Variants in CSPG5 observed in about 807,000 individuals in gnomAD.
The protein encoded by CSPG5 is acidic leucine-rich EGF-like domain-containing brain protein.
CSPG5 carries 25 observed loss-of-function variants against 39.8 expected under a neutral mutation model. The observed-to-expected ratio is 0.63, with a 90% confidence interval of 0.46 to 0.88. The LOEUF (loss-of-function observed/expected upper bound fraction) is 0.88. Among genes scored for constraint, CSPG5 ranks in the 40% least tolerant of loss-of-function variants. The pLI is 0.00. For synonymous variants in CSPG5, 295 were observed against 303.9 expected (o/e 0.97, Z 0.31); for missense variants, 627 against 702.2 (o/e 0.89, Z 1.21).
intron 4 of CSPG5, 90 bp from the exon 5 acceptor site, chr3:47,562,851 A>G: frequency 7.5e-7 from 1 of 1,325,426 alleles, no homozygotes; most frequent in Non-Finnish European, 1.0e-6. Flanking sequence ...TGAAGGAAGC[A>G]TCACTGAAAC....
rs1307126971 is a variant in CSPG5 at position 47,577,893 on chromosome 3, G to A, written c.133C>T (p.Leu45=). The A allele has an allele frequency of 6.7e-7, 1 of 1,498,214 alleles. No homozygotes were observed. Among genetic ancestry groups the A allele is most frequent in the Non-Finnish European group, 8.8e-7 (1 of 1,136,668 alleles). The allele number at this position is 1,498,214 out of a possible 1,614,324, so 92.8% of individuals were successfully genotyped here. A position where few individuals can be genotyped will look rare whatever the true frequency, so the allele number is the denominator to read the frequency against. Residue 45 remains leucine, a synonymous_variant, in exon 2 of 5, where the codon CTG becomes TTG. Coordinates refer to ENST00000264723, the MANE Select transcript of CSPG5 (RefSeq NM_006574.4). The surrounding 1 kb of genome is among the most constrained non-coding windows in gnomAD (Gnocchi z 4.7). ...EAGSAVEAEE[L]VKGSPAWEPP... ...TCCCACGCCGGGCTGCCCTTCACCA[G>A]CTCTTCGGCCTCAACCGCGCTGCCC...
chr3:47,580,037 G>A (rs2031929168), upstream of CSPG5: 1 of 152,216 alleles, frequency 6.6e-6, no homozygotes, highest in Non-Finnish European at 1.5e-5. Flanking sequence ...TCCAGATGGA[G>A]TTGCCTTGGT....
Position 47,577,140 on chromosome 3 carries a change from C to A in CSPG5, c.886G>T (p.Asp296Tyr). The change falls in exon 2 of 5, where the codon GAT (aspartate) becomes TAT (tyrosine). Residue 296 changes from aspartate (D) to tyrosine (Y), a missense_variant. Coordinates refer to ENST00000264723, the MANE Select transcript of CSPG5 (RefSeq NM_006574.4). This position sits in a 1 kb window ranked among gnomAD's most constrained non-coding sequence, Gnocchi z 4.7. The stretch of plus-strand genomic sequence containing the variant: ...GTGGGCACTAGAAGCTCATTTTCAT[C>A]TTCTAGGTCTCCACCTCCTACTGCA... ...KDAVGGGDLE[D>Y]ENELLVPTGK... 6.2e-7 allele frequency: 1 copy of A among 1,613,868 alleles called. No individual in the cohort carries two copies. The highest frequency in any genetic ancestry group is 1.1e-5 in the South Asian group (1 of 91,024).
At chr3:47,574,738 A>G (rs544812139) in intron 2 of CSPG5, among the ~76,000 whole-genome samples, 48 of 151,930 alleles carry the variant, frequency 3.2e-4, no homozygotes, top group Middle Eastern at 3.4e-3. Context: ...AGGAGATTGA[A>G]ACCATCCTGG....
At position 47,577,451 on chromosome 3, in the gene CSPG5, G is replaced by A. The variant is rs1196984500; in HGVS notation, c.575C>T (p.Thr192Ile). The change falls in exon 2 of 5, where the codon ACT becomes ATT. Residue 192 changes from threonine (T) to isoleucine (I), a missense_variant. Coordinates refer to ENST00000264723, the MANE Select transcript of CSPG5 (RefSeq NM_006574.4). The surrounding 1 kb of genome is among the most constrained non-coding windows in gnomAD (Gnocchi z 4.7). ...CTCCAGGGTGCCCTGAAATGGGTAA[G>A]TCAGCTCTGGCCCTTGAGGGTCGGG... ...STPDPQGPEL[T>I]YPFQGTLEPQ... is the part of the protein sequence containing the mutation. 2 of 1,614,078 alleles carry A rather than the reference G, an allele frequency of 1.2e-6. No homozygotes were observed. The highest frequency in any genetic ancestry group is 2.2e-5 in the South Asian group (2 of 91,088).
intron 2 of CSPG5, among the ~76,000 whole-genome samples, chr3:47,575,929 CTTTTTTTTTTTTTT>C (rs370578310): frequency 9.3e-4 from 93 of 99,654 alleles, no homozygotes; most frequent in African/African-American, 3.0e-3. Flanking sequence ...TTCATTTTGC[CTTTTTTTTTTTTTT>C]TTTTTTTTTT....
At position 47,577,561 on chromosome 3, in the gene CSPG5, G is replaced by A. The variant is rs1328651363; in HGVS notation, c.465C>T (p.Pro155=). 2.5e-6 allele frequency: 4 copies of A among 1,610,320 alleles called. No individual in the cohort carries two copies. The African/African-American group carries it at 5.3e-5, about 22-fold the overall frequency. The stretch of plus-strand genomic sequence containing the variant: ...CTGGGCTCAGCTTGTCGCCGGGGGT[G>A]GGGGAGGGTGGCCCGCTGGCCTCTG... The part of the protein sequence containing the change: ...EATEASGPPS[P]TPGDKLSPAS... The change falls in exon 2 of 5, where the codon CCC becomes CCT. Residue 155 remains proline (P), a synonymous_variant. Coordinates refer to ENST00000264723, the MANE Select transcript of CSPG5 (RefSeq NM_006574.4). The surrounding 1 kb of genome is among the most constrained non-coding windows in gnomAD (Gnocchi z 4.7).
In CSPG5 at chr3:47,577,921, C is replaced by G. The variant is rs1001509092; in HGVS notation, c.105G>C (p.Glu35Asp). The G allele has an allele frequency of 7.0e-7, 1 of 1,437,286 alleles. No homozygotes were observed. The highest frequency in any genetic ancestry group is 3.0e-5 in the Admixed American group (1 of 33,802). 89.0% of individuals were successfully genotyped at this position (1,437,286 alleles called of 1,614,324 possible). ...CTTCGGCCTCAACCGCGCTGCCCGC[C>G]TCACGCGCTGCGGGCGGGAGGGCAA... The part of the protein sequence containing the change: ...VLASGAVPAR[E>D]AGSAVEAEEL... Residue 35 changes from glutamate (E) to aspartate (D), a missense_variant, in exon 2 of 5, where the codon GAG becomes GAC. Transcript: ENST00000264723. The surrounding 1 kb of genome is among the most constrained non-coding windows in gnomAD (Gnocchi z 4.7).
chr3:47,562,295 AC>A lies in CSPG5; in HGVS notation c.*304del, dbSNP rs1439009058. ...TGTTTTTTACTGGTATTTCAAAAAA[AC>A]GTGGGTCAAAGTACAAAAAAAAGTC... On this transcript the variant is annotated 3_prime_UTR_variant, in exon 5 of 5. Coordinates refer to ENST00000264723, the MANE Select transcript of CSPG5 (RefSeq NM_006574.4). The A allele has an allele frequency of 1.7e-5, 4 of 235,708 alleles. No homozygotes were observed. The highest frequency in any genetic ancestry group is 5.6e-5 in the Admixed American group (1 of 17,956). The allele number at this position is 235,708 out of a possible 1,614,324, so 14.6% of individuals were successfully genotyped here.
intron 2 of CSPG5, among the ~76,000 whole-genome samples, chr3:47,575,593 G>A (rs2031688277): frequency 6.6e-6 from 1 of 152,200 alleles, no homozygotes; most frequent in Non-Finnish European, 1.5e-5. Context: ...AAACATCAAA[G>A]TAGAAAGAAA....
chr3:47,572,686 T>C lies in CSPG5; in HGVS notation c.1382A>G (p.Asn461Ser). ...KTENTKLRRT[N>S]KFRTPSELHN... ...GGATGGGTGAGTGACACAGACTCAC[T>C]TGGTCCTACGCAGCTTGGTATTCTC... Residue 461 changes from asparagine (N) to serine (S), a missense_variant and splice_region_variant, in exon 3 of 5, where the codon AAC (asparagine) becomes AGC (serine). Physicochemically the swap from Asn to Ser is conservative, Grantham distance 46. Transcript: ENST00000264723. The surrounding 1 kb of genome is among the most constrained non-coding windows in gnomAD (Gnocchi z 4.5). The C allele has an allele frequency of 6.2e-7, 1 of 1,612,892 alleles. No individual in the cohort carries two copies. Among genetic ancestry groups the C allele is most frequent in the Non-Finnish European group, 8.5e-7 (1 of 1,179,074 alleles).
intron 4 of CSPG5, among the ~76,000 whole-genome samples, chr3:47,566,518 A>G (rs1158500601): frequency 6.6e-6 from 1 of 152,200 alleles, no homozygotes; most frequent in Non-Finnish European, 1.5e-5. Context: ...GGTGGAGAGA[A>G]TTAGAGATGA....
chr3:47,564,087 C>T (rs2108185946), intron 4 of CSPG5, among the ~76,000 whole-genome samples: 1 of 152,308 alleles, frequency 6.6e-6, no homozygotes, highest in South Asian at 2.1e-4. Flanking sequence ...TGTGTAACCA[C>T]TAAGGCAGAT....
At chr3:47,567,368 C>A (rs1300054861) in intron 4 of CSPG5, among the ~76,000 whole-genome samples, 1 of 152,026 alleles carries the variant, frequency 6.6e-6, no homozygotes, top group Non-Finnish European at 1.5e-5. Context: ...CTGCAGAGGG[C>A]GGGATAATGT....
Position 47,572,855 on chromosome 3 carries a change from T to G in CSPG5, c.1213A>C (p.Ile405Leu), listed in dbSNP as rs201595756. ...TCGCAGCGCATCCCCTTGTGCCAGA[T>G]GTAGTCCTGCGTGTTGCACCTGCAG... ...AFCRCNTQDY[I>L]WHKGMRCESI... Residue 405 changes from isoleucine to leucine, a missense_variant, in exon 3 of 5, where the codon ATC becomes CTC. Coordinates refer to ENST00000264723, the MANE Select transcript of CSPG5 (RefSeq NM_006574.4). This position sits in a 1 kb window ranked among gnomAD's most constrained non-coding sequence, Gnocchi z 4.5. 17 of 1,612,114 alleles carry G rather than the reference T, an allele frequency of 1.1e-5. No individual in the cohort carries two copies. In the East Asian group the frequency reaches 3.8e-4, roughly 36 times the overall value.
At position 47,577,785 on chromosome 3, in the gene CSPG5, C is replaced by T; in HGVS notation, c.241G>A (p.Glu81Lys). 2 of 1,584,714 alleles carry T rather than the reference C, an allele frequency of 1.3e-6. No individual in the cohort carries two copies. The highest frequency in any genetic ancestry group is 1.7e-6 in the Non-Finnish European group (2 of 1,173,600). Reference protein sequence around the residue: ...DEASWTAPGGELAGPEEVLQE... With the variant: ...DEASWTAPGGKLAGPEEVLQE... ...AGCACCTCTTCTGGCCCGGCCAGCT[C>T]GCCACCGGGCGCCGTCCACGACGCC... Residue 81 changes from glutamate (E) to lysine (K), a missense_variant, in exon 2 of 5, where the codon GAG (glutamate) becomes AAG (lysine). Physicochemically the swap from Glu to Lys is moderately conservative, Grantham distance 56. Coordinates refer to ENST00000264723, the MANE Select transcript of CSPG5 (RefSeq NM_006574.4). The surrounding 1 kb of genome is among the most constrained non-coding windows in gnomAD (Gnocchi z 4.7).
intron 4 of CSPG5, among the ~76,000 whole-genome samples, chr3:47,563,696 T>C (rs1483232916): frequency 6.6e-6 from 1 of 152,098 alleles, no homozygotes; most frequent in Non-Finnish European, 1.5e-5. Flanking sequence ...CCTGGGATTA[T>C]AGGCGCTCGT....
At chr3:47,564,991 C>T (rs2031237773) in intron 4 of CSPG5, among the ~76,000 whole-genome samples, 2 of 152,144 alleles carry the variant, frequency 1.3e-5, no homozygotes, top group Admixed American at 1.3e-4. Context: ...ATAATCACCT[C>T]TCCTCTTACA....
chr3:47,565,643 CAAGAG>C (rs2031265575), intron 4 of CSPG5, among the ~76,000 whole-genome samples: 1 of 144,454 alleles, frequency 6.9e-6, no homozygotes. Flanking sequence ...CAAATACATG[CAAGAG>C]AAGAGTCTGG....
Sources: allele counts gnomAD v4.1 joint callset (sites outside exome capture counted in the v4.1 genomes callset), GRCh38; gene constraint gnomAD v4.1.1; non-coding constraint Gnocchi (gnomAD v3.1); transcripts MANE v1.5; gene names NCBI Gene and HGNC (gene_info 2026-07-23, HGNC 2026-07-21).